MACF1: variants seen among roughly 807,000 people sequenced by gnomAD.
MACF1 encodes microtubule actin crosslinking factor 1, also known as microtubule-actin cross-linking factor 1.
In MACF1, 193 loss-of-function variants were observed where a neutral mutation model predicts 854.8. The observed-to-expected ratio is 0.23, with a 90% CI of 0.20 to 0.25. The LOEUF is 0.25. Among genes scored for constraint, MACF1 ranks in the 10% least tolerant of loss-of-function variants. The pLI is 1.00. For synonymous variants in MACF1, 3,185 were observed against 3,226.7 expected (o/e 0.99, Z 0.44); for missense variants, 7,722 against 8,929.1 (o/e 0.86, Z 5.45).
chr1:39,363,985 G>T (rs1291430625), intron 49 of MACF1, among the ~76,000 whole-genome samples: 1 of 152,142 alleles, frequency 6.6e-6, no homozygotes, highest in African/African-American at 2.4e-5. Context: ...ATAGCTGTGT[G>T]TATTTTTTCC....
At chr1:39,209,464 T>C (rs543907955) in intron 1 of MACF1, among the ~76,000 whole-genome samples, 1 of 152,144 alleles carries the variant, frequency 6.6e-6, no homozygotes, top group African/African-American at 2.4e-5. Flanking sequence ...TATGGTTTTT[T>C]TCCTCTCTAG....
At chr1:39,458,246 C>T in intron 89 of MACF1, 124 bp from the exon 90 acceptor site, 3 of 837,910 alleles carry the variant, frequency 3.6e-6, no homozygotes, top group South Asian at 3.8e-5. Context: ...AACTCAGGCA[C>T]CAGCCTCCAC....
intron 82 of MACF1, 32 bp from the exon 83 acceptor site, chr1:39,448,001 T>A: frequency 6.2e-7 from 1 of 1,613,620 alleles, no homozygotes; most frequent in Non-Finnish European, 8.5e-7. Flanking sequence ...TGTATATTCA[T>A]TCCTGTTAAC....
intron 97 of MACF1, among the ~76,000 whole-genome samples, chr1:39,477,131 T>TAAACAC (rs562347733): frequency 1.1e-5 from 1 of 91,340 alleles, no homozygotes; most frequent in Admixed American, 1.1e-4. Flanking sequence ...TATATATATA[T>TAAACAC]ATATACACAC....
At chr1:39,436,570 C>G in intron 70 of MACF1, 2 of 1,348,926 alleles carry the variant, frequency 1.5e-6, no homozygotes, top group Non-Finnish European at 2.1e-6. Context: ...GGGAATTTCC[C>G]TTAACTTTAG....
chr1:39,114,451 A>C (rs1642497116), intron 2 of MACF1, among the ~76,000 whole-genome samples: 1 of 152,006 alleles, frequency 6.6e-6, no homozygotes, highest in South Asian at 2.1e-4. Context: ...AGAGCATAAA[A>C]CTTCATTATG....
At chr1:39,196,792 T>C (rs1644325567) in intron 2 of MACF1, among the ~76,000 whole-genome samples, 1 of 152,206 alleles carries the variant, frequency 6.6e-6, no homozygotes, top group South Asian at 2.1e-4. Context: ...CAGCATACCT[T>C]TGCACAGGCT....
chr1:39,346,219 G>A (rs534270336), intron 40 of MACF1, among the ~76,000 whole-genome samples: 41 of 151,650 alleles, frequency 2.7e-4, no homozygotes, highest in African/African-American at 4.4e-4. Flanking sequence ...AAAATTAGCC[G>A]GGCATGGTGG....
chr1:39,091,652 T>C (rs1571026771), intron 2 of MACF1, among the ~76,000 whole-genome samples: 1 of 152,236 alleles, frequency 6.6e-6, no homozygotes, highest in Non-Finnish European at 1.5e-5. Context: ...TGCGCCACCA[T>C]GCCCAGCTGA....
intron 2 of MACF1, among the ~76,000 whole-genome samples, chr1:39,093,845 T>C (rs937191961): frequency 6.6e-6 from 1 of 151,912 alleles, no homozygotes; most frequent in Non-Finnish European, 1.5e-5. Flanking sequence ...TGGAGTGCAG[T>C]GGTGTGAACT....
At chr1:39,134,752 A>G (rs1012476595) in intron 2 of MACF1, among the ~76,000 whole-genome samples, 1 of 152,200 alleles carries the variant, frequency 6.6e-6, no homozygotes, top group African/African-American at 2.4e-5. Context: ...AGGAGTCATA[A>G]TAACAATACG....
Position 39,424,248 on chromosome 1 carries a change from C to T in MACF1, c.16316+54C>T, listed in dbSNP as rs776445116. ...GTCAGAGGTTTGTTTTGTTCTTCTT[C>T]GACTTATTATCACTATAAGTTCTTG... On this transcript the variant is annotated intron_variant, in intron 61 of 100. Coordinates refer to ENST00000564288, the MANE Select transcript of MACF1 (RefSeq NM_001394062.1). 2.4e-5 allele frequency: 35 copies of T among 1,482,622 alleles called. No homozygotes were observed. The South Asian group carries it at 3.0e-4, about 13-fold the overall frequency. The allele number at this position is 1,482,622 out of a possible 1,614,324, so 91.8% of individuals were successfully genotyped here.
intron 2 of MACF1, among the ~76,000 whole-genome samples, chr1:39,125,769 A>T (rs778597177): frequency 5.3e-5 from 8 of 152,216 alleles, no homozygotes; most frequent in Non-Finnish European, 8.8e-5. Context: ...AGGTGGGCGG[A>T]TCGCCTGAGG....
intron 41 of MACF1, 99 bp from the exon 42 acceptor site, chr1:39,349,379 C>T (rs908527332): frequency 7.7e-7 from 1 of 1,292,222 alleles, no homozygotes; most frequent in Non-Finnish European, 1.1e-6. Context: ...CTTTTCCATC[C>T]TTGAGATATA....
At chr1:39,377,151 C>CA (rs1649792708) in intron 52 of MACF1, among the ~76,000 whole-genome samples, 1 of 152,116 alleles carries the variant, frequency 6.6e-6, no homozygotes, top group Non-Finnish European at 1.5e-5. Flanking sequence ...GCTGAGACTA[C>CA]AGGCGTCCGC....
At position 39,317,312 on chromosome 1, in the gene MACF1, G is replaced by A. The variant is rs748850188; in HGVS notation, c.3687G>A (p.Leu1229=). Residue 1229 remains leucine, a synonymous_variant, in exon 29 of 101, where the codon CTG becomes CTA. Transcript: ENST00000564288. ...TAGTGGCAGAGCAGATGAGTCGTCT[G>A]ACACCAGAGCGAAATCTGGATTTGG... ...AKVVAEQMSR[L]TPERNLDLER... 6.2e-7 allele frequency: 1 copy of A among 1,614,076 alleles called. No homozygotes were observed. Among genetic ancestry groups the A allele is most frequent in the Non-Finnish European group, 8.5e-7 (1 of 1,180,018 alleles).
At chr1:39,254,447 T>C in intron 5 of MACF1, 72 bp downstream of exon 5, 1 of 1,307,846 alleles carries the variant, frequency 7.6e-7, no homozygotes, top group Non-Finnish European at 1.1e-6. Context: ...GAGATGTTTT[T>C]AGTGCCCCTA....
chr1:39,293,723 T>A (rs1184412677), intron 18 of MACF1, 104 bp downstream of exon 18: 8 of 1,072,302 alleles, frequency 7.5e-6, no homozygotes, highest in East Asian at 2.5e-5. Flanking sequence ...TGCACTCTGC[T>A]AGATAGAAAT....
intron 1 of MACF1, among the ~76,000 whole-genome samples, chr1:39,214,863 G>T (rs139468558): frequency 6.6e-5 from 10 of 152,294 alleles, no homozygotes; most frequent in African/African-American, 1.9e-4. Flanking sequence ...CACCTGAGGA[G>T]CAAGTTGTTG....
Sources: allele counts gnomAD v4.1 joint callset (sites outside exome capture counted in the v4.1 genomes callset), GRCh38; gene constraint gnomAD v4.1.1; transcripts MANE v1.5; gene names NCBI Gene and HGNC (gene_info 2026-07-23, HGNC 2026-07-21).